Variants in RPRD2 observed in about 807,000 individuals in gnomAD.
RPRD2 encodes the protein regulation of nuclear pre-mRNA domain containing 2, also known as regulation of nuclear pre-mRNA domain-containing protein 2.
In RPRD2, 12 loss-of-function variants were observed where a neutral mutation model predicts 104.4. That is an observed-to-expected ratio of 0.11 (90% CI 0.07 to 0.19). The LOEUF is 0.19. Ranked by LOEUF, RPRD2 falls within the 10% of genes least tolerant of loss-of-function variation. The pLI is 1.00. For synonymous variants in RPRD2, 714 were observed against 684.9 expected (o/e 1.04, Z -0.66); for missense variants, 1,543 against 1,790.1 (o/e 0.86, Z 2.49).
In RPRD2 at chr1:150,426,135, TAAAGCCTTCTACAGTC is replaced by T. The variant is rs138548175; in HGVS notation, c.335+8414_335+8429del. 1.2e-3 allele frequency among the ~76,000 whole-genome samples: 177 copies of T among 152,254 alleles called. 3 individuals are homozygous for T. In the East Asian group the frequency reaches 0.031, roughly 26 times the overall value. On this transcript the variant is annotated intron_variant, in intron 2 of 10. Coordinates refer to ENST00000369068, the MANE Select transcript of RPRD2 (RefSeq NM_015203.5). Reference sequence around the variant, plus strand: ...AACAAACAAAAAAAGGGATGCCACTTAAAGCCTTCTACAGTCAAATCTCAGTCTTCCCATCCTTACC... The same window carrying T: ...AACAAACAAAAAAAGGGATGCCACTTAAATCTCAGTCTTCCCATCCTTACC...
At chr1:150,468,757 G>A (rs961081185) in intron 10 of RPRD2, among the ~76,000 whole-genome samples, 27 of 152,000 alleles carry the variant, frequency 1.8e-4, no homozygotes, top group African/African-American at 6.5e-4. Context: ...TACACCTGTG[G>A]TCCCAGCTAC....
In RPRD2 at chr1:150,471,263, C is replaced by T. The variant is rs757954023; in HGVS notation, c.2315C>T (p.Pro772Leu). The stretch of plus-strand genomic sequence containing the variant: ...CCCAGCAGTACAAGATCACCACCCC[C>T]TGGGAGAGATGAAAGCTACCCCCGA... The part of the protein sequence containing the change: ...STPSSTRSPP[P>L]GRDESYPREL... Residue 772 changes from proline to leucine, a missense_variant, in exon 11 of 11, where the codon CCT becomes CTT. By Grantham distance (98) the Pro-to-Leu change is moderately conservative (BLOSUM62 -3). Around this residue, in one of 4 missense-constraint regions of RPRD2, gnomAD observed 880 missense variants for 885.6 expected, o/e 0.99. Coordinates refer to ENST00000369068, the MANE Select transcript of RPRD2 (RefSeq NM_015203.5). The surrounding 1 kb of genome is among the most constrained non-coding windows in gnomAD (Gnocchi z 5.3). The T allele has an allele frequency of 7.4e-6, 12 of 1,613,680 alleles. No individual in the cohort carries two copies. Among genetic ancestry groups the T allele is most frequent in the Non-Finnish European group, 1.0e-5 (12 of 1,179,788 alleles).
chr1:150,454,821 C>T (rs587745308), intron 7 of RPRD2, among the ~76,000 whole-genome samples: 9 of 152,100 alleles, frequency 5.9e-5, no homozygotes, highest in Admixed American at 5.9e-4. Context: ...ACACTCAAGC[C>T]TGGGTGATAG....
intron 7 of RPRD2, among the ~76,000 whole-genome samples, chr1:150,450,133 TG>T (rs1667053440): frequency 6.6e-6 from 1 of 152,228 alleles, no homozygotes; most frequent in Non-Finnish European, 1.5e-5. Context: ...TTCAATTTTC[TG>T]GTAAAATTTA....
chr1:150,448,040 ATTTTTTG>A (rs1666909459), intron 7 of RPRD2, among the ~76,000 whole-genome samples: 1 of 152,118 alleles, frequency 6.6e-6, no homozygotes, highest in African/African-American at 2.4e-5. Flanking sequence ...TGTATTTACT[ATTTTTTG>A]ACCATTAACA....
intron 1 of RPRD2, among the ~76,000 whole-genome samples, chr1:150,368,970 T>C (rs1002934158): frequency 1.3e-5 from 2 of 152,210 alleles, no homozygotes; most frequent in Non-Finnish European, 2.9e-5. Flanking sequence ...GTATATGATA[T>C]TACCTTGTTT....
intron 1 of RPRD2, among the ~76,000 whole-genome samples, chr1:150,395,628 A>G (rs587743462): frequency 1.7e-4 from 25 of 150,006 alleles, no homozygotes; most frequent in Admixed American, 1.3e-3. Flanking sequence ...TCTGCTGCTC[A>G]GCCTCCCAAG....
At chr1:150,427,478 A>AAAAAAAAAAG (rs1553890770) in intron 2 of RPRD2, among the ~76,000 whole-genome samples, 2 of 141,728 alleles carry the variant, frequency 1.4e-5, no homozygotes, top group Admixed American at 1.4e-4. Flanking sequence ...ATCTCAAAAA[A>AAAAAAAAAAG]AAAAAAAAAG....
At chr1:150,372,102 TTGCCATAGGCA>T (rs1440903791) in intron 1 of RPRD2, among the ~76,000 whole-genome samples, 3 of 152,190 alleles carry the variant, frequency 2.0e-5, no homozygotes, top group African/African-American at 7.2e-5. Flanking sequence ...TGTAACAGTA[TTGCCATAGGCA>T]TACAGCTTTT....
chr1:150,423,535 C>G (rs782089453), intron 2 of RPRD2, among the ~76,000 whole-genome samples: 21 of 152,010 alleles, frequency 1.4e-4, no homozygotes, highest in Non-Finnish European at 2.6e-4. Flanking sequence ...TTTATTGACT[C>G]TTAAGGGTGT....
chr1:150,403,383 A>G (rs1553885828), intron 1 of RPRD2, among the ~76,000 whole-genome samples: 3 of 152,076 alleles, frequency 2.0e-5, no homozygotes, highest in Non-Finnish European at 2.9e-5. Flanking sequence ...ACTTCGTCTC[A>G]CTTTCCAGAC....
At chr1:150,444,590 T>C (rs146301207) in intron 6 of RPRD2, among the ~76,000 whole-genome samples, 1 of 152,336 alleles carries the variant, frequency 6.6e-6, no homozygotes, top group East Asian at 1.9e-4. Flanking sequence ...CTAGGTTATA[T>C]ATAGACAGTT....
At chr1:150,454,860 A>G (rs1398938186) in intron 7 of RPRD2, among the ~76,000 whole-genome samples, 1 of 152,200 alleles carries the variant, frequency 6.6e-6, no homozygotes, top group African/African-American at 2.4e-5. Context: ...ATAAAATAAA[A>G]TAAAGGTTCT....
At chr1:150,432,384 A>G (rs1194301315) in intron 2 of RPRD2, among the ~76,000 whole-genome samples, 1 of 152,058 alleles carries the variant, frequency 6.6e-6, no homozygotes, top group Non-Finnish European at 1.5e-5. Flanking sequence ...GGTACAGAGT[A>G]CTGTAGTCTG....
intron 10 of RPRD2, among the ~76,000 whole-genome samples, chr1:150,467,870 A>G (rs1668379274): frequency 6.6e-6 from 1 of 152,104 alleles, no homozygotes; most frequent in African/African-American, 2.4e-5. Context: ...TTATAACACA[A>G]AAGAGAGACT....
rs188915125 is a variant in RPRD2 at position 150,410,180 on chromosome 1, A to C, written c.206-7416A>C. Reference sequence around the variant, plus strand: ...TGGAATCAGTGGTGATGAAGAAATTAGGTCAGGAAGATAACACAGTGCCAG... The same window carrying C: ...TGGAATCAGTGGTGATGAAGAAATTCGGTCAGGAAGATAACACAGTGCCAG... On this transcript the variant is annotated intron_variant, in intron 1 of 10. Transcript: ENST00000369068. 2.6e-5 allele frequency among the ~76,000 whole-genome samples: 4 copies of C among 152,310 alleles called. No homozygotes were observed. In the East Asian group the frequency reaches 7.7e-4, roughly 29 times the overall value.
intron 2 of RPRD2, among the ~76,000 whole-genome samples, chr1:150,422,574 G>T (rs938137240): frequency 6.6e-6 from 1 of 151,960 alleles, no homozygotes; most frequent in African/African-American, 2.4e-5. Context: ...CAGTTACTCA[G>T]TCCTAGGCTG....
At position 150,389,894 on chromosome 1, in the gene RPRD2, C is replaced by T. The variant is rs187970638; in HGVS notation, c.205+24975C>T. ...CTGGCAACGTTTTCCTGAAGGCAAA[C>T]GCTCACATCAGCACTAATGGGAGAC... On this transcript the variant is annotated intron_variant, in intron 1 of 10. Transcript: ENST00000369068. Among the ~76,000 whole-genome samples the T allele has an allele frequency of 2.8e-4, 43 of 152,246 alleles. No individual in the cohort carries two copies. In the South Asian group the frequency reaches 2.9e-3, roughly 10 times the overall value.
chr1:150,456,925 C>CAA (rs11352805), intron 7 of RPRD2, among the ~76,000 whole-genome samples: 12 of 138,424 alleles, frequency 8.7e-5, no homozygotes, highest in African/African-American at 1.3e-4. Context: ...AATTCCTTCT[C>CAA]AAAAAAAAAA....
Sources: gnomAD v4.1 joint callset for allele counts (sites outside exome capture counted in the v4.1 genomes callset) on GRCh38, gnomAD v4.1.1 for gene constraint, gnomAD v4.1.1 regional missense constraint, Gnocchi (gnomAD v3.1) non-coding constraint, MANE v1.5 for transcripts, NCBI Gene and HGNC (gene_info 2026-07-23, HGNC 2026-07-21) for gene names.